Variants in POU2AF3 observed in about 807,000 individuals in gnomAD.
POU2AF3 encodes cancer susceptibility candidate 13.
the POU2AF3 span, chr11:111,298,826 G>GGGGGGGC: frequency 6.4e-5 from 51 of 790,930 alleles, no homozygotes; most frequent in Non-Finnish European, 7.8e-5. Context: ...CGTACCCCAG[G>GGGGGGGC]CCCCCGCCCG....
the POU2AF3 span, chr11:111,306,375 T>A: frequency 7.2e-7 from 1 of 1,387,880 alleles, no homozygotes; most frequent in Non-Finnish European, 9.4e-7. Context: ...AAAACCTGCC[T>A]TTTTCCTTTC....
At chr11:111,304,100 A>G in the POU2AF3 span, among the ~76,000 whole-genome samples, 6 of 152,162 alleles carry the variant, frequency 3.9e-5, no homozygotes, top group Admixed American at 1.3e-4. Flanking sequence ...ACTAGAATGA[A>G]AGTAGGTTCC....
chr11:111,304,909 G>A, the POU2AF3 span: 5 of 1,229,562 alleles, frequency 4.1e-6, no homozygotes, highest in Non-Finnish European at 5.1e-6. Context: ...GCTTCACGGT[G>A]ATATTCTTGC....
At chr11:111,301,240 A>T in the POU2AF3 span, among the ~76,000 whole-genome samples, 1 of 152,352 alleles carries the variant, frequency 6.6e-6, no homozygotes, top group East Asian at 1.9e-4. Context: ...AGCAGTCATA[A>T]GGGTATACCC....
the POU2AF3 span, among the ~76,000 whole-genome samples, chr11:111,304,562 T>C: frequency 1.3e-5 from 2 of 152,210 alleles, no homozygotes; most frequent in South Asian, 4.1e-4. Context: ...GTCTGTTTTA[T>C]GATTCGATTT....
At chr11:111,302,074 C>A in the POU2AF3 span, among the ~76,000 whole-genome samples, 2 of 152,176 alleles carry the variant, frequency 1.3e-5, no homozygotes, top group Non-Finnish European at 2.9e-5. Flanking sequence ...TTTGCACAGC[C>A]ACTATTTCAT....
the POU2AF3 span, among the ~76,000 whole-genome samples, chr11:111,304,149 T>C: frequency 6.6e-6 from 1 of 152,306 alleles, no homozygotes; most frequent in Admixed American, 6.5e-5. Context: ...ATTTTCTATT[T>C]TAATATTTCA....
At chr11:111,305,259 A>C in the POU2AF3 span, among the ~76,000 whole-genome samples, 1 of 152,228 alleles carries the variant, frequency 6.6e-6, no homozygotes, top group Non-Finnish European at 1.5e-5. Flanking sequence ...AAGTAACTAA[A>C]CTGAACTACA....
the POU2AF3 span, among the ~76,000 whole-genome samples, chr11:111,307,027 G>A: frequency 6.6e-6 from 1 of 152,162 alleles, no homozygotes; most frequent in East Asian, 1.9e-4. Context: ...AATTAAGGCT[G>A]TGTATATATG....
At chr11:111,308,369 G>T in the POU2AF3 span, 2 of 1,551,638 alleles carry the variant, frequency 1.3e-6, no homozygotes, top group Non-Finnish European at 1.7e-6. Flanking sequence ...TGTGGACTTT[G>T]CCCCCTCAGC....
At chr11:111,302,951 C>A in the POU2AF3 span, among the ~76,000 whole-genome samples, 2 of 152,142 alleles carry the variant, frequency 1.3e-5, no homozygotes, top group Non-Finnish European at 2.9e-5. Flanking sequence ...CCAGTTTGTT[C>A]ATTTGTTGAA....
At chr11:111,299,053 G>T in the POU2AF3 span, 120 of 989,152 alleles carry the variant, frequency 1.2e-4, no homozygotes, top group Middle Eastern at 2.1e-3. Flanking sequence ...GGGTGGTGGG[G>T]CTGCGGTAGG....
At chr11:111,300,880 G>T in the POU2AF3 span, among the ~76,000 whole-genome samples, 3 of 152,356 alleles carry the variant, frequency 2.0e-5, no homozygotes, top group African/African-American at 7.2e-5. Context: ...TAAAAAGTGC[G>T]TTGGTCCTCT....
At chr11:111,298,826 G>GGGGGGGGGGCCCCCCC in the POU2AF3 span, 2 of 790,962 alleles carry the variant, frequency 2.5e-6, no homozygotes, top group Non-Finnish European at 3.4e-6. Flanking sequence ...CGTACCCCAG[G>GGGGGGGGGGCCCCCCC]CCCCCGCCCG....
At chr11:111,306,482 C>T in the POU2AF3 span, 19 of 1,514,860 alleles carry the variant, frequency 1.3e-5, no homozygotes, top group East Asian at 4.5e-4. Context: ...GTGAAGAAAA[C>T]TCAAGCTGCC....
At chr11:111,299,593 C>A in the POU2AF3 span, 1 of 1,221,396 alleles carries the variant, frequency 8.2e-7, no homozygotes, top group Non-Finnish European at 1.0e-6. Flanking sequence ...GCGGCCCCTA[C>A]CGAAGGGCGG....
the POU2AF3 span, chr11:111,306,741 C>A: frequency 4.0e-6 from 3 of 759,402 alleles, no homozygotes; most frequent in Non-Finnish European, 6.4e-6. Context: ...GGAAATCATC[C>A]AAGGAAACAA....
chr11:111,306,824 G>A, the POU2AF3 span, among the ~76,000 whole-genome samples: 16 of 152,174 alleles, frequency 1.1e-4, no homozygotes, highest in Non-Finnish European at 2.1e-4. Flanking sequence ...GGATACACAC[G>A]TAATTTAGAT....
At chr11:111,300,389 T>A in the POU2AF3 span, 27 of 374,904 alleles carry the variant, frequency 7.2e-5, no homozygotes. Context: ...GTTTTTACCA[T>A]CCTTTGACAT....
Sources: gnomAD v4.1 joint callset for allele counts (sites outside exome capture counted in the v4.1 genomes callset) on GRCh38, gnomAD v4.1.1 for gene constraint, MANE v1.5 for transcripts, NCBI Gene and HGNC (gene_info 2026-07-23, HGNC 2026-07-21) for gene names.